Variants in DENND1B observed in about 807,000 individuals in gnomAD.
DENND1B encodes the protein DENN domain-containing protein 1B.
DENND1B carries 59 observed loss-of-function variants against 90.1 expected under a neutral mutation model. The ratio of observed to expected loss-of-function variants is 0.65; its 90% CI spans 0.53 to 0.81. The LOEUF is 0.81. Ranked by LOEUF, DENND1B falls within the 40% of genes least tolerant of loss-of-function variation. DENND1B has a pLI of 0.00. For synonymous variants in DENND1B, 337 were observed against 324.6 expected (o/e 1.04, Z -0.41); for missense variants, 862 against 912.6 (o/e 0.94, Z 0.71).
upstream of DENND1B, among the ~76,000 whole-genome samples, chr1:197,778,696 A>C (rs76013555): frequency 6.6e-6 from 1 of 152,156 alleles, no homozygotes; most frequent in East Asian, 1.9e-4. Flanking sequence ...AAAAAAAAAA[A>C]AGAGAGAAAA....
At chr1:197,603,353 C>T (rs975694592) in intron 13 of DENND1B, among the ~76,000 whole-genome samples, 7 of 151,120 alleles carry the variant, frequency 4.6e-5, no homozygotes, top group South Asian at 4.1e-4. Context: ...TCTACTGTTT[C>T]GGGCACAGGC....
rs139920560 is a variant in DENND1B, at chr1:197,764,391, A to G, written c.82+8477T>C. 9.1e-3 allele frequency among the ~76,000 whole-genome samples: 1,386 copies of G among 152,344 alleles called. 19 individuals carry two copies. Among genetic ancestry groups the G allele is most frequent in the African/African-American group, 0.03 (1,265 of 41,572 alleles). On this transcript the variant is annotated intron_variant, in intron 2 of 22. Transcript: ENST00000620048. ...TGTAGAACATCTAACTGGAAGCCTA[A>G]TCAGAGAAAATAAATTGAAAAATAA...
chr1:197,722,247 A>AC (rs931034225), intron 2 of DENND1B, among the ~76,000 whole-genome samples: 4 of 152,108 alleles, frequency 2.6e-5, no homozygotes, highest in Non-Finnish European at 5.9e-5. Flanking sequence ...ATGGATAGAA[A>AC]CTTTGTATTT....
At chr1:197,517,706 C>A (rs1360157391) in intron 20 of DENND1B, among the ~76,000 whole-genome samples, 3 of 151,896 alleles carry the variant, frequency 2.0e-5, no homozygotes, top group Non-Finnish European at 4.4e-5. Flanking sequence ...CCCTTACAGT[C>A]TTCAGGATAA....
chr1:197,659,245 T>C (rs1011535110), intron 5 of DENND1B, among the ~76,000 whole-genome samples: 4 of 151,710 alleles, frequency 2.6e-5, no homozygotes, highest in South Asian at 2.1e-4. Flanking sequence ...TACATACACA[T>C]AACATGTAAA....
At position 197,647,075 on chromosome 1, in the gene DENND1B, C is replaced by A. The variant is rs772673834; in HGVS notation, c.487G>T (p.Asp163Tyr). The A allele has an allele frequency of 2.0e-5, 30 of 1,464,182 alleles. No individual in the cohort carries two copies. The South Asian group carries it at 4.1e-4, about 20-fold the overall frequency. 90.7% of individuals were successfully genotyped at this position (1,464,182 alleles called of 1,614,324 possible). A position where few individuals can be genotyped will look rare whatever the true frequency, so the allele number is the denominator to read the frequency against. Residue 163 changes from aspartate (D) to tyrosine (Y), a missense_variant, in exon 8 of 23, where the codon GAT becomes TAT. Coordinates refer to ENST00000620048, the MANE Select transcript of DENND1B (RefSeq NM_001195215.2). Reference protein sequence around the residue: ...IFIACEQVLKDQPALVPHSYF... With the variant: ...IFIACEQVLKYQPALVPHSYF... ...CTCACCGGTACTAGAGCAGGCTGAT[C>A]TTTCAGAACTTGCTCACAGGCAATA...
intron 18 of DENND1B, chr1:197,545,658 A>G (rs1339398728): frequency 8.4e-6 from 3 of 357,990 alleles, no homozygotes; most frequent in Non-Finnish European, 1.5e-5. Context: ...TACCCCATCA[A>G]TAACTGTTTC....
intron 16 of DENND1B, among the ~76,000 whole-genome samples, chr1:197,548,939 T>C (rs770578754): frequency 6.6e-6 from 1 of 152,170 alleles, no homozygotes; most frequent in Non-Finnish European, 1.5e-5. Flanking sequence ...TAAGGGCTAA[T>C]TGTGCCTTTA....
rs1443687063 is a variant in DENND1B, at chr1:197,598,219, T to C, written c.922-2886A>G. On this transcript the variant is annotated intron_variant, in intron 13 of 22. Transcript: ENST00000620048. ...CAAATTACATAAAAATAATTTTTCC[T>C]TGACCTACTCTAGTGGGCTTCAATT... Among the ~76,000 whole-genome samples the C allele has an allele frequency of 2.0e-5, 3 of 151,838 alleles. No individual in the cohort carries two copies. The Admixed American group carries it at 2.0e-4, about 10-fold the overall frequency.
chr1:197,688,603 C>G, intron 3 of DENND1B, among the ~76,000 whole-genome samples: 1 of 152,060 alleles, frequency 6.6e-6, no homozygotes, highest in East Asian at 1.9e-4. Context: ...CTTGGGAAAA[C>G]TGGATGTCTA....
Position 197,601,526 on chromosome 1 carries a change from GA to G in DENND1B, c.921+5546del, listed in dbSNP as rs35339740. ...CCAAAATCAAGGTTTACCTTTTTTA[GA>G]AAAAAAAAATATCTGCAGTAACAAG... On this transcript the variant is annotated intron_variant, in intron 13 of 22. Transcript: ENST00000620048. Among the ~76,000 whole-genome samples the G allele has an allele frequency of 6.0e-3, 894 of 148,014 alleles. 12 individuals carry two copies. Among genetic ancestry groups the G allele is most frequent in the African/African-American group, 0.021 (833 of 40,370 alleles).
rs762500037 is a variant in DENND1B, at chr1:197,645,710, G to A, written c.541C>T (p.Leu181Phe). Residue 181 changes from leucine to phenylalanine, a missense_variant, in exon 9 of 23, where the codon CTC becomes TTC. Leu to Phe is a conservative substitution (Grantham distance 22). Coordinates refer to ENST00000620048, the MANE Select transcript of DENND1B (RefSeq NM_001195215.2). ...CTTACACTCTCGGGTATTGTTGGGA[G>A]TCCAGTTACATCAGGGGCAATGAAG... ...SYFIAPDVTG[L>F]PTIPESRNLT... The A allele has an allele frequency of 2.2e-5, 34 of 1,568,400 alleles. No homozygotes were observed. The highest frequency in any genetic ancestry group is 2.9e-5 in the Non-Finnish European group (34 of 1,156,850).
chr1:197,537,812 CTACTT>C (rs1670028174), intron 20 of DENND1B, among the ~76,000 whole-genome samples: 1 of 151,672 alleles, frequency 6.6e-6, no homozygotes, highest in Non-Finnish European at 1.5e-5. Flanking sequence ...TTTTTAAGAT[CTACTT>C]TACAGCATGG....
Position 197,650,713 on chromosome 1 carries a change from CA to C in DENND1B, c.447+1521del, listed in dbSNP as rs550150756. Among the ~76,000 whole-genome samples the C allele has an allele frequency of 5.2e-3, 795 of 152,276 alleles. 7 individuals are homozygous for C. The highest frequency in any genetic ancestry group is 0.024 in the Middle Eastern group (7 of 294). ...AAAAGGAATGAATTAACAGCATTTG[CA>C]GCGACCTGGATGAGACTGAAGACTA... On this transcript the variant is annotated intron_variant, in intron 7 of 22. Coordinates refer to ENST00000620048, the MANE Select transcript of DENND1B (RefSeq NM_001195215.2).
chr1:197,619,494 C>G (rs1298763274), intron 10 of DENND1B, among the ~76,000 whole-genome samples: 1 of 151,144 alleles, frequency 6.6e-6, no homozygotes, highest in East Asian at 2.0e-4. Context: ...ACACAGATGA[C>G]TTTTTAAACA....
At chr1:197,542,038 C>T (rs1670370958) in intron 18 of DENND1B, among the ~76,000 whole-genome samples, 1 of 152,102 alleles carries the variant, frequency 6.6e-6, no homozygotes, top group Non-Finnish European at 1.5e-5. Flanking sequence ...TTCAGATAAC[C>T]TGGAAGGCCG....
intron 14 of DENND1B, among the ~76,000 whole-genome samples, chr1:197,594,793 A>C (rs1558284225): frequency 2.0e-5 from 3 of 152,162 alleles, no homozygotes; most frequent in Admixed American, 6.5e-5. Context: ...AAAACCTTCA[A>C]GTTCTATTTT....
intron 7 of DENND1B, 22 bp downstream of exon 7, chr1:197,652,213 C>T: frequency 6.2e-7 from 1 of 1,601,248 alleles, no homozygotes; most frequent in Non-Finnish European, 8.5e-7. Flanking sequence ...CTCCCAAAAA[C>T]AATTACTGAT....
chr1:197,735,837 C>A, intron 2 of DENND1B: 1 of 1,605,910 alleles, frequency 6.2e-7, no homozygotes, highest in Non-Finnish European at 8.5e-7. Context: ...GGAAGAAATT[C>A]AAAAGAAAAG....
Sources: gnomAD v4.1 joint callset for allele counts (sites outside exome capture counted in the v4.1 genomes callset) on GRCh38, gnomAD v4.1.1 for gene constraint, MANE v1.5 for transcripts, NCBI Gene and HGNC (gene_info 2026-07-23, HGNC 2026-07-21) for gene names.